Variants in ZPLD1 observed in about 807,000 individuals in gnomAD.
ZPLD1 encodes the protein zona pellucida-like domain-containing protein 1.
A neutral mutation model predicts 47.2 loss-of-function variants in ZPLD1; 34 were observed. The ratio of observed to expected loss-of-function variants is 0.72; its 90% CI spans 0.55 to 0.96. The LOEUF (loss-of-function observed/expected upper bound fraction) is 0.96, where lower values mean the gene tolerates loss of function less well. Ranked by LOEUF, ZPLD1 falls within the 40% of genes least tolerant of loss-of-function variation. The pLI is 0.00. For synonymous variants in ZPLD1, 176 were observed against 186.2 expected, an observed-to-expected ratio of 0.95 and a Z score of 0.45; for missense variants, 512 against 505.8, an observed-to-expected ratio of 1.01 and a Z score of -0.12.
rs1482053027 is a variant in ZPLD1, at chr3:102,478,362, C to T, written c.*744C>T. 1 of 152,192 alleles carries T rather than the reference C, an allele frequency of 6.6e-6. No individual in the cohort carries two copies. The highest frequency in any genetic ancestry group is 1.5e-5 in the Non-Finnish European group (1 of 68,040). The allele number at this position is 152,192 out of a possible 1,614,324, so 9.4% of individuals were successfully genotyped here. On this transcript the variant is annotated 3_prime_UTR_variant, in exon 12 of 12. Transcript: ENST00000466937. ...AGAACACCAGCACATGTTAACTCTC[C>T]TCCCAGGTAAACAGTTCAGCTGCTG...
intron 3 of ZPLD1, among the ~76,000 whole-genome samples, chr3:102,444,157 C>T (rs543484672): frequency 1.9e-4 from 29 of 152,240 alleles, no homozygotes; most frequent in African/African-American, 6.7e-4. Context: ...AAATAAAACC[C>T]ATTTGCTTTT....
At chr3:102,453,260 C>T (rs1232559877) in intron 4 of ZPLD1, 121 bp downstream of exon 4, 9 of 894,224 alleles carry the variant, frequency 1.0e-5, no homozygotes, top group Admixed American at 2.6e-5. Flanking sequence ...GAACAAATCA[C>T]TTTCCTTTGC....
intron 4 of ZPLD1, among the ~76,000 whole-genome samples, chr3:102,455,274 TAGA>T (rs1422723334): frequency 1.3e-5 from 2 of 152,226 alleles, no homozygotes; most frequent in African/African-American, 4.8e-5. Context: ...TCGAAGAAGC[TAGA>T]AGAACTCTCT....
At chr3:102,468,438 ACTATAC>A in intron 8 of ZPLD1, among the ~76,000 whole-genome samples, 1 of 152,222 alleles carries the variant, frequency 6.6e-6, no homozygotes, top group Admixed American at 6.5e-5. Flanking sequence ...ATGATGAAAT[ACTATAC>A]AGCTGTGGAA....
chr3:102,453,276 T>A (rs1707367042), intron 4 of ZPLD1, 137 bp downstream of exon 4: 1 of 772,150 alleles, frequency 1.3e-6, no homozygotes, highest in South Asian at 1.8e-5. Context: ...TTTGCCTGTT[T>A]GAGGCATGCA....
At chr3:102,411,729 T>A (rs989824635) in intron 7 of ZPLD1, among the ~76,000 whole-genome samples, 1 of 151,902 alleles carries the variant, frequency 6.6e-6, no homozygotes, top group East Asian at 2.0e-4. Flanking sequence ...ATTTTGGGTA[T>A]GGACAAATAA....
intron 8 of ZPLD1, among the ~76,000 whole-genome samples, chr3:102,421,583 T>C (rs916964776): frequency 1.3e-5 from 2 of 151,904 alleles, no homozygotes; most frequent in Non-Finnish European, 2.9e-5. Flanking sequence ...GAAGGTAATA[T>C]ATTTCTATTT....
intron 7 of ZPLD1, among the ~76,000 whole-genome samples, chr3:102,409,783 C>A (rs138454549): frequency 1.2e-4 from 18 of 151,800 alleles, no homozygotes; most frequent in Middle Eastern, 3.4e-3. Context: ...AATGCCTTAC[C>A]TTGATTTCAA....
intron 6 of ZPLD1, among the ~76,000 whole-genome samples, chr3:102,386,218 T>A (rs1479839359): frequency 1.3e-5 from 2 of 152,056 alleles, no homozygotes; most frequent in African/African-American, 4.8e-5. Context: ...CACTTCAGAT[T>A]CACCTGGATA....
chr3:102,452,255 T>TA (rs1491304178), intron 3 of ZPLD1, among the ~76,000 whole-genome samples: 7 of 53,458 alleles, frequency 1.3e-4, no homozygotes, highest in African/African-American at 4.5e-4. Context: ...GTTTAGGTCA[T>TA]TTTTTTTTTT....
At position 102,478,505 on chromosome 3, in the gene ZPLD1, A is replaced by G. The variant is rs17822800; in HGVS notation, c.*887A>G. 43,621 of 94,004 alleles carry G rather than the reference A, an allele frequency of 0.46. 7,442 individuals are homozygous for G. The highest frequency in any genetic ancestry group is 0.58 in the Middle Eastern group (124 of 212). 5.8% of individuals were successfully genotyped at this position (94,004 alleles called of 1,614,324 possible). On this transcript the variant is annotated 3_prime_UTR_variant, in exon 12 of 12. Transcript: ENST00000466937. ...AGAGTTCCTAGAAGGGTTTTTAACA[A>G]TTTAGATTCCCTTTTTCCTAAAACA...
chr3:102,398,617 T>A lies in ZPLD1; in HGVS notation c.-157+6392T>A, dbSNP rs1576125261. On this transcript the variant is annotated intron_variant, in intron 7 of 17. Coordinates refer to the ZPLD1 transcript ENST00000491959. Reference sequence around the variant, plus strand: ...CCTAGATCTTTTCTGTGGCATAATATCCAGGGTTCTTCCCATTTTTAATCC... The same window carrying A: ...CCTAGATCTTTTCTGTGGCATAATAACCAGGGTTCTTCCCATTTTTAATCC... Among the ~76,000 whole-genome samples, 4 of 152,266 alleles carry A rather than the reference T, an allele frequency of 2.6e-5. No individual in the cohort carries two copies. The Middle Eastern group carries it at 0.01, about 388-fold the overall frequency.
intron 7 of ZPLD1, among the ~76,000 whole-genome samples, chr3:102,407,442 T>TACACAC (rs746526325): frequency 6.3e-5 from 6 of 95,510 alleles, no homozygotes; most frequent in Non-Finnish European, 1.3e-4. Context: ...TATATATATA[T>TACACAC]ACACACATAT....
chr3:102,476,238 AC>A (rs1707756535), intron 10 of ZPLD1, among the ~76,000 whole-genome samples: 1 of 151,886 alleles, frequency 6.6e-6, no homozygotes, highest in Non-Finnish European at 1.5e-5. Flanking sequence ...AATAACAAAC[AC>A]AAATATTAAA....
chr3:102,469,505 A>G (rs192983873), intron 9 of ZPLD1, among the ~76,000 whole-genome samples: 14 of 152,334 alleles, frequency 9.2e-5, no homozygotes, highest in Admixed American at 6.5e-4. Flanking sequence ...GGTTGAGAGG[A>G]TTGTTAGAGA....
chr3:102,430,844 A>G (rs1707007825), upstream of ZPLD1, among the ~76,000 whole-genome samples: 1 of 152,220 alleles, frequency 6.6e-6, no homozygotes, highest in Admixed American at 6.5e-5. Context: ...CCAATAGTCA[A>G]GTTTTCATTG....
intron 8 of ZPLD1, among the ~76,000 whole-genome samples, chr3:102,423,337 C>G (rs1233664908): frequency 2.0e-5 from 3 of 151,896 alleles, no homozygotes; most frequent in Non-Finnish European, 4.4e-5. Flanking sequence ...TCAAGTATAG[C>G]AAAACCTTAT....
rs573324305 is a variant in ZPLD1, at chr3:102,394,310, T to C, written c.-157+2085T>C. On this transcript the variant is annotated intron_variant, in intron 7 of 17. Transcript: ENST00000491959. ...AACATAGAAGTCAGGAAATGCAAAA[T>C]TCAAGGATCTCATAATAACATCAAA... Among the ~76,000 whole-genome samples, 8 of 152,272 alleles carry C rather than the reference T, an allele frequency of 5.3e-5. No individual in the cohort carries two copies. In the East Asian group the frequency reaches 1.5e-3, roughly 29 times the overall value.
rs550150433 is a variant in ZPLD1 at position 102,462,358 on chromosome 3, A to C, written c.660A>C (p.Gln220His). 1 of 1,609,896 alleles carries C rather than the reference A, an allele frequency of 6.2e-7. No homozygotes were observed. Among genetic ancestry groups the C allele is most frequent in the East Asian group, 2.2e-5 (1 of 44,618 alleles). ...AAACCAAAGTATTTGCAGCTGTCCA[A>C]GCCACTAATTTGGATGGCAGGTAAT... Reference protein sequence around the residue: ...PLKTKVFAAVQATNLDGRWNV... With the variant: ...PLKTKVFAAVHATNLDGRWNV... Residue 220 changes from glutamine (Q) to histidine (H), a missense_variant, in exon 7 of 12, where the codon CAA becomes CAC. Physicochemically the swap from Gln to His is conservative, Grantham distance 24 (BLOSUM62 0). Coordinates refer to ENST00000466937, the MANE Select transcript of ZPLD1 (RefSeq NM_001329788.2).
Sources: gnomAD v4.1 joint callset for allele counts (sites outside exome capture counted in the v4.1 genomes callset) on GRCh38, gnomAD v4.1.1 for gene constraint, MANE v1.5 for transcripts, NCBI Gene and HGNC (gene_info 2026-07-23, HGNC 2026-07-21) for gene names.